Variants in TBCD observed in about 807,000 individuals in gnomAD.
TBCD encodes the protein tubulin folding cofactor D.
In TBCD, 105 loss-of-function variants were observed where a neutral mutation model predicts 169.3. That is an observed-to-expected ratio of 0.62 (90% CI 0.53 to 0.73). The LOEUF is 0.73. Ranked by LOEUF, TBCD falls within the 30% of genes least tolerant of loss-of-function variation. The pLI, the probability that TBCD is intolerant of heterozygous loss-of-function variation, is 0.00. For synonymous variants in TBCD, 700 were observed against 643.9 expected (o/e 1.09, Z -1.32); for missense variants, 1,444 against 1,600.1 (o/e 0.90, Z 1.66).
At chr17:82,790,378 C>G (rs921106880) in intron 7 of TBCD, among the ~76,000 whole-genome samples, 2 of 152,172 alleles carry the variant, frequency 1.3e-5, no homozygotes, top group African/African-American at 4.8e-5. Flanking sequence ...AGCCTGTGGC[C>G]TGGGTAAAGC....
intron 8 of TBCD, among the ~76,000 whole-genome samples, 180 bp from the exon 9 acceptor site, chr17:82,800,684 G>C (rs1321918766): frequency 6.6e-6 from 1 of 152,160 alleles, no homozygotes; most frequent in Non-Finnish European, 1.5e-5. Flanking sequence ...TTCACAGCAA[G>C]GAAGTCGAGT....
At chr17:82,936,579 C>A (rs2147469297) in intron 34 of TBCD, among the ~76,000 whole-genome samples, 1 of 152,356 alleles carries the variant, frequency 6.6e-6, no homozygotes, top group East Asian at 1.9e-4. Context: ...CTTTGGCAGG[C>A]AGGACCTTAG....
At chr17:82,814,977 C>T (rs757249231) in intron 13 of TBCD, 43 bp downstream of exon 13, 92 of 1,604,780 alleles carry the variant, frequency 5.7e-5, no homozygotes, top group South Asian at 7.7e-5. Flanking sequence ...CTGGCGCTGG[C>T]GGAGCTGGGC....
rs2049578159 is a variant in TBCD at position 82,789,890 on chromosome 17, C to G, written c.772-7867C>G. ...CTGGCCTGTTTACCCGGGAGCCCAG[C>G]AACAAATGGGAGCTTCTGTGCTGCT... is the stretch of plus-strand genomic sequence containing the variant. On this transcript the variant is annotated intron_variant, in intron 7 of 38. Transcript: ENST00000355528. This position sits in a 1 kb window ranked among gnomAD's most constrained non-coding sequence, Gnocchi z 4.8. Among the ~76,000 whole-genome samples the G allele has an allele frequency of 6.6e-6, 1 of 152,224 alleles. No homozygotes were observed. Among genetic ancestry groups the G allele is most frequent in the Non-Finnish European group, 1.5e-5 (1 of 68,042 alleles).
intron 11 of TBCD, among the ~76,000 whole-genome samples, chr17:82,808,422 G>T (rs1177693038): frequency 2.3e-5 from 3 of 129,854 alleles, no homozygotes; most frequent in Non-Finnish European, 5.0e-5. Context: ...AGGCAGGTGC[G>T]GGGGCAGTAG....
At chr17:82,798,386 TC>T (rs2050262709) in intron 8 of TBCD, among the ~76,000 whole-genome samples, 1 of 152,300 alleles carries the variant, frequency 6.6e-6, no homozygotes, top group South Asian at 2.1e-4. Flanking sequence ...GACCTTGAGA[TC>T]CACCTGCCTC....
At chr17:82,891,177 G>A (rs2059112105) in intron 16 of TBCD, among the ~76,000 whole-genome samples, 1 of 152,262 alleles carries the variant, frequency 6.6e-6, no homozygotes, top group African/African-American at 2.4e-5. Flanking sequence ...GGGCCCTGCA[G>A]CTGAGCTGAC....
rs1009157792 is a variant in TBCD, at chr17:82,884,575, C to G, written c.1533+373C>G. Among the ~76,000 whole-genome samples, 2 of 152,138 alleles carry G rather than the reference C, an allele frequency of 1.3e-5. No individual in the cohort carries two copies. Among genetic ancestry groups the G allele is most frequent in the African/African-American group, 4.8e-5 (2 of 41,428 alleles). ...ATGTGGCGGCGGGACGGGTCACTCA[C>G]CGGGTGGCTTTGAGCCTCGGGAGGG... is the stretch of plus-strand genomic sequence containing the variant. On this transcript the variant is annotated intron_variant, in intron 15 of 38. Coordinates refer to ENST00000355528, the MANE Select transcript of TBCD (RefSeq NM_005993.5). The surrounding 1 kb of genome is among the most constrained non-coding windows in gnomAD (Gnocchi z 4.2).
chr17:82,924,026 T>C (rs536085124), intron 26 of TBCD, among the ~76,000 whole-genome samples: 162 of 152,286 alleles, frequency 1.1e-3, no homozygotes, highest in African/African-American at 3.2e-3. Context: ...GTGATTCGGC[T>C]CACTGCAACC....
chr17:82,885,422 G>A (rs1205738300), intron 15 of TBCD, among the ~76,000 whole-genome samples: 7 of 152,184 alleles, frequency 4.6e-5, no homozygotes, highest in African/African-American at 1.7e-4. Flanking sequence ...GAAGTAGTTA[G>A]AAGTCTTTCT....
At chr17:82,838,424 G>A (rs2054170043) in intron 13 of TBCD, among the ~76,000 whole-genome samples, 1 of 152,320 alleles carries the variant, frequency 6.6e-6, no homozygotes, top group African/African-American at 2.4e-5. Context: ...AACTATGCTT[G>A]TCATGCGTCC....
chr17:82,920,940 C>T lies in TBCD; in HGVS notation c.2101+322C>T, dbSNP rs68141193. 0.29 allele frequency: 102,287 copies of T among 356,614 alleles called. 15,862 individuals are homozygous for T. The highest frequency in any genetic ancestry group is 0.35 in the Admixed American group (7,725 of 21,952). The allele number at this position is 356,614 out of a possible 1,614,324, so 22.1% of individuals were successfully genotyped here. On this transcript the variant is annotated intron_variant, in intron 24 of 38. Coordinates refer to ENST00000355528, the MANE Select transcript of TBCD (RefSeq NM_005993.5). This position sits in a 1 kb window ranked among gnomAD's most constrained non-coding sequence, Gnocchi z 4.1. The stretch of plus-strand genomic sequence containing the variant: ...CGGGAGCTGCAGCCACCCAGGCCCT[C>T]GTGGACCAGGAGCGTGCCGGCCGCC...
At position 82,899,093 on chromosome 17, in the gene TBCD, C is replaced by T. The variant is rs532284808; in HGVS notation, c.1650-1558C>T. Among the ~76,000 whole-genome samples, 8 of 152,342 alleles carry T rather than the reference C, an allele frequency of 5.3e-5. No homozygotes were observed. In the South Asian group the frequency reaches 6.2e-4, roughly 12 times the overall value. The stretch of plus-strand genomic sequence containing the variant: ...GTCAGGTTCTTTGCTCAGCGTAGTG[C>T]GCCTGGGGACCGTCCGCAGCGCGTG... On this transcript the variant is annotated intron_variant, in intron 17 of 38. Coordinates refer to ENST00000355528, the MANE Select transcript of TBCD (RefSeq NM_005993.5).
intron 1 of TBCD, among the ~76,000 whole-genome samples, chr17:82,754,840 C>A (rs56225483): frequency 4.6e-5 from 7 of 152,098 alleles, no homozygotes; most frequent in Non-Finnish European, 2.9e-5. Flanking sequence ...GAGGAGAAAG[C>A]GGTGGTTCAG....
At chr17:82,783,238 T>C (rs1342018567) in intron 7 of TBCD, among the ~76,000 whole-genome samples, 3 of 152,094 alleles carry the variant, frequency 2.0e-5, no homozygotes, top group African/African-American at 7.2e-5. Context: ...GAGGAAAAGG[T>C]TTCAGACGTG....
chr17:82,872,960 CG>C (rs2057708407), intron 14 of TBCD, among the ~76,000 whole-genome samples: 1 of 150,756 alleles, frequency 6.6e-6, no homozygotes, highest in Admixed American at 6.6e-5. Flanking sequence ...ACCTCGTGGC[CG>C]ACGGCTTCTG....
intron 13 of TBCD, among the ~76,000 whole-genome samples, chr17:82,828,345 C>T (rs979683506): frequency 5.0e-5 from 7 of 141,184 alleles, no homozygotes; most frequent in Non-Finnish European, 4.6e-5. Flanking sequence ...CATAGATATG[C>T]GCACGTGGAC....
chr17:82,874,924 TG>T lies in TBCD; in HGVS notation c.1475+4547del, dbSNP rs1460656312. On this transcript the variant is annotated intron_variant, in intron 14 of 38. Coordinates refer to ENST00000355528, the MANE Select transcript of TBCD (RefSeq NM_005993.5). The surrounding 1 kb of genome is among the most constrained non-coding windows in gnomAD (Gnocchi z 5.0). ...AGTTCTTCGGTGGGTCCTGTAACAG[TG>T]GGTGCTTGGGATCAGAGCATCAGAG... Among the ~76,000 whole-genome samples the T allele has an allele frequency of 2.6e-5, 4 of 152,268 alleles. No individual in the cohort carries two copies. The East Asian group carries it at 7.7e-4, about 29-fold the overall frequency.
At chr17:82,842,256 C>T (rs1469547215) in intron 13 of TBCD, among the ~76,000 whole-genome samples, 2 of 152,094 alleles carry the variant, frequency 1.3e-5, no homozygotes, top group Admixed American at 6.5e-5. Context: ...TACCCTGCTC[C>T]TGAGAGTCTC....
Sources: allele counts gnomAD v4.1 joint callset (sites outside exome capture counted in the v4.1 genomes callset), GRCh38; gene constraint gnomAD v4.1.1; non-coding constraint Gnocchi (gnomAD v3.1); transcripts MANE v1.5; gene names NCBI Gene and HGNC (gene_info 2026-07-23, HGNC 2026-07-21).